KCNQ5: variants seen among roughly 807,000 people sequenced by gnomAD.
The protein encoded by KCNQ5 is potassium voltage-gated channel subfamily KQT member 5.
In KCNQ5, 30 loss-of-function variants were observed where a neutral mutation model predicts 98.2. The observed-to-expected ratio is 0.31, with a 90% CI of 0.23 to 0.41. The LOEUF (loss-of-function observed/expected upper bound fraction) is 0.41. KCNQ5 is among the 10% of genes least tolerant of loss of function. The probability of loss-of-function intolerance (pLI) is 1.00; values close to 1 mark genes in which losing one functional copy is unlikely to be tolerated. For missense variants in KCNQ5, 835 were observed against 1,182.5 expected (o/e 0.71, Z 4.31); for synonymous variants, 458 against 449.4 (o/e 1.02, Z -0.24).
chr6:73,093,786 C>A (rs1056978374), intron 5 of KCNQ5, among the ~76,000 whole-genome samples: 7 of 152,060 alleles, frequency 4.6e-5, no homozygotes, highest in Non-Finnish European at 8.8e-5. Context: ...GATATAATTT[C>A]AATTTTCTTA....
intron 2 of KCNQ5, among the ~76,000 whole-genome samples, chr6:73,029,164 G>C (rs866634253): frequency 6.6e-6 from 1 of 152,168 alleles, no homozygotes; most frequent in Non-Finnish European, 1.5e-5. Flanking sequence ...GCAAATAAGA[G>C]TGATGGCTTA....
chr6:72,928,509 T>A (rs1391579163), intron 1 of KCNQ5, among the ~76,000 whole-genome samples: 1 of 152,122 alleles, frequency 6.6e-6, no homozygotes, highest in Non-Finnish European at 1.5e-5. Flanking sequence ...CTCCTCTCTA[T>A]AAATTTTTAA....
At chr6:72,805,653 G>A (rs888006684) in intron 1 of KCNQ5, among the ~76,000 whole-genome samples, 5 of 151,946 alleles carry the variant, frequency 3.3e-5, no homozygotes, top group African/African-American at 7.3e-5. Context: ...GCTATTCTGG[G>A]TCTTTTGTGA....
chr6:72,849,157 C>T (rs1052766610), intron 1 of KCNQ5, among the ~76,000 whole-genome samples: 3 of 152,006 alleles, frequency 2.0e-5, no homozygotes, highest in African/African-American at 7.2e-5. Context: ...TGCACACGCA[C>T]ATGCACACCA....
intron 1 of KCNQ5, among the ~76,000 whole-genome samples, chr6:72,967,075 C>T (rs1287261752): frequency 6.6e-6 from 1 of 152,134 alleles, no homozygotes; most frequent in Non-Finnish European, 1.5e-5. Flanking sequence ...GCATTGGATC[C>T]CTTCAGCTGT....
chr6:72,796,131 T>G (rs1171361040), intron 1 of KCNQ5, among the ~76,000 whole-genome samples: 2 of 152,030 alleles, frequency 1.3e-5, no homozygotes, highest in African/African-American at 2.4e-5. Context: ...TAATAACCAA[T>G]GAGTATATGA....
At chr6:72,728,982 T>C (rs536458458) in intron 1 of KCNQ5, among the ~76,000 whole-genome samples, 1 of 152,294 alleles carries the variant, frequency 6.6e-6, no homozygotes, top group Non-Finnish European at 1.5e-5. Flanking sequence ...ATATTTTTAT[T>C]TTTCTTATCT....
intron 1 of KCNQ5, among the ~76,000 whole-genome samples, chr6:72,999,376 C>A (rs912227845): frequency 1.3e-5 from 2 of 152,124 alleles, no homozygotes; most frequent in Non-Finnish European, 2.9e-5. Context: ...GATAAAAGAT[C>A]TAGATCAAAA....
chr6:72,672,118 A>ATTTT (rs1186332695), intron 1 of KCNQ5, among the ~76,000 whole-genome samples: 1 of 121,510 alleles, frequency 8.2e-6, no homozygotes, highest in Non-Finnish European at 1.7e-5. Context: ...GCCTGGCCTA[A>ATTTT]TTTTTTTTTT....
At chr6:72,906,284 G>A (rs147307760) in intron 1 of KCNQ5, among the ~76,000 whole-genome samples, 10 of 152,204 alleles carry the variant, frequency 6.6e-5, no homozygotes, top group East Asian at 1.9e-4. Flanking sequence ...TCCAGGCAGC[G>A]GGCAAGCAGG....
At chr6:72,639,764 G>A (rs548904701) in intron 1 of KCNQ5, among the ~76,000 whole-genome samples, 13 of 151,980 alleles carry the variant, frequency 8.6e-5, no homozygotes, top group Admixed American at 2.0e-4. Flanking sequence ...TAAATAAATG[G>A]GTAAAGAGAG....
chr6:72,704,170 G>T (rs182983276), intron 1 of KCNQ5, among the ~76,000 whole-genome samples: 2 of 151,976 alleles, frequency 1.3e-5, no homozygotes, highest in African/African-American at 4.8e-5. Context: ...TCAGGCTTTG[G>T]GCAAGGTCAT....
intron 7 of KCNQ5, among the ~76,000 whole-genome samples, chr6:73,115,680 T>A (rs188203671): frequency 1.3e-5 from 2 of 152,238 alleles, no homozygotes; most frequent in East Asian, 3.9e-4. Flanking sequence ...CAAACCACCA[T>A]CAAGTGTGAG....
intron 1 of KCNQ5, among the ~76,000 whole-genome samples, chr6:72,676,585 T>C (rs115288787): frequency 0.018 from 2,759 of 152,310 alleles, 73 homozygotes; most frequent in African/African-American, 0.061. Flanking sequence ...AACAAGATTC[T>C]GGTAATTAGT....
chr6:72,999,132 ATGCACT>A (rs1328980206), intron 1 of KCNQ5, among the ~76,000 whole-genome samples: 1 of 152,148 alleles, frequency 6.6e-6, no homozygotes, highest in African/African-American at 2.4e-5. Flanking sequence ...TCTGTGCTTG[ATGCACT>A]AGTTCTGGAA....
At chr6:73,146,524 C>T (rs1447420320) in intron 10 of KCNQ5, among the ~76,000 whole-genome samples, 1 of 145,296 alleles carries the variant, frequency 6.9e-6, no homozygotes, top group East Asian at 2.1e-4. Flanking sequence ...ACTTGGGAGG[C>T]TGAGAAATGG....
At chr6:72,929,752 T>A (rs1312689059) in intron 1 of KCNQ5, among the ~76,000 whole-genome samples, 1 of 152,100 alleles carries the variant, frequency 6.6e-6, no homozygotes, top group Non-Finnish European at 1.5e-5. Context: ...TGAAAAATGC[T>A]CATTTTACCC....
At chr6:73,015,041 T>C (rs1261399698) in intron 2 of KCNQ5, among the ~76,000 whole-genome samples, 13 of 152,126 alleles carry the variant, frequency 8.5e-5, no homozygotes, top group Non-Finnish European at 1.6e-4. Flanking sequence ...TGGTATTAAA[T>C]ATTGTAAGAG....
intron 1 of KCNQ5, among the ~76,000 whole-genome samples, chr6:72,852,488 G>A (rs1777302635): frequency 6.6e-6 from 1 of 150,572 alleles, no homozygotes; most frequent in Admixed American, 6.6e-5. Flanking sequence ...AGGCCATTAT[G>A]TTAAGTGAAA....
Sources: allele counts gnomAD v4.1 joint callset (sites outside exome capture counted in the v4.1 genomes callset), GRCh38; gene constraint gnomAD v4.1.1; transcripts MANE v1.5; gene names NCBI Gene and HGNC (gene_info 2026-07-23, HGNC 2026-07-21).